FAM13B: variants seen among roughly 807,000 people sequenced by gnomAD.
FAM13B encodes the protein protein FAM13B.
FAM13B carries 60 observed loss-of-function variants against 117.3 expected under a neutral mutation model. The observed-to-expected ratio is 0.51, with a 90% CI of 0.42 to 0.63. The LOEUF is 0.63. Ranked by LOEUF, FAM13B falls within the 30% of genes least tolerant of loss-of-function variation. The pLI, the probability that FAM13B is intolerant of heterozygous loss-of-function variation, is 0.00. For synonymous variants in FAM13B, 332 were observed against 356.1 expected, an observed-to-expected ratio of 0.93 and a Z score of 0.76; for missense variants, 972 against 1,091.9, an observed-to-expected ratio of 0.89 and a Z score of 1.55.
At chr5:137,952,758 T>TATC in intron 16 of FAM13B, 49 bp from the exon 17 acceptor site, 1 of 1,066,508 alleles carries the variant, frequency 9.4e-7, no homozygotes, top group Non-Finnish European at 1.4e-6. Flanking sequence ...AAGCAATAGT[T>TATC]ACATTAATTT....
Position 137,942,291 on chromosome 5 carries a change from G to C in FAM13B, c.2589-246C>G. The C allele has an allele frequency of 6.5e-6, 3 of 459,774 alleles. No individual in the cohort carries two copies. The East Asian group carries it at 9.9e-5, about 15-fold the overall frequency. The allele number at this position is 459,774 out of a possible 1,614,324, so 28.5% of individuals were successfully genotyped here. On this transcript the variant is annotated intron_variant, in intron 22 of 23. Coordinates refer to ENST00000689681, the MANE Select transcript of FAM13B (RefSeq NM_001385994.1). ...CACCATATCATCCAAAGGTAAAGAAGTGGATATAGAACAAAAAGATCAACT... is the reference window on the plus strand; with the variant it reads ...CACCATATCATCCAAAGGTAAAGAACTGGATATAGAACAAAAAGATCAACT...
upstream of FAM13B, among the ~76,000 whole-genome samples, chr5:138,035,969 G>A (rs1759354183): frequency 6.6e-6 from 1 of 152,098 alleles, no homozygotes; most frequent in Non-Finnish European, 1.5e-5. Flanking sequence ...AGCTATTTTG[G>A]CAGTTATTTA....
chr5:137,976,561 GAC>G (rs1387651751), intron 10 of FAM13B, among the ~76,000 whole-genome samples: 3 of 152,144 alleles, frequency 2.0e-5, no homozygotes, highest in Non-Finnish European at 4.4e-5. Flanking sequence ...GGAAGTCAGG[GAC>G]CCCGAATGGA....
rs754755255 is a variant in FAM13B, at chr5:137,987,517, C to T, written c.990G>A (p.Val330=). 8.1e-6 allele frequency: 13 copies of T among 1,613,300 alleles called. No individual in the cohort carries two copies. The change falls in exon 9 of 24, where the codon GTG becomes GTA. Residue 330 remains valine, a synonymous_variant. Coordinates refer to ENST00000689681, the MANE Select transcript of FAM13B (RefSeq NM_001385994.1). ...TACTTTCTGCTTCATTATTACACACCACACTTTGCTGTTGTAAATTCTTAA... is the reference window on the plus strand; with the variant it reads ...TACTTTCTGCTTCATTATTACACACTACACTTTGCTGTTGTAAATTCTTAA... ...HDLKNLQQQS[V]VCNNEAESIH...
intron 7 of FAM13B, among the ~76,000 whole-genome samples, chr5:138,006,112 T>C (rs1782497887): frequency 6.6e-6 from 1 of 152,130 alleles, no homozygotes; most frequent in Non-Finnish European, 1.5e-5. Context: ...TTAGCCAGGA[T>C]GGTCTCGATC....
At chr5:137,979,171 C>T (rs1561486995) in intron 10 of FAM13B, among the ~76,000 whole-genome samples, 1 of 152,054 alleles carries the variant, frequency 6.6e-6, no homozygotes, top group Non-Finnish European at 1.5e-5. Context: ...TGCCATCATG[C>T]CCCGCTAATT....
intron 4 of FAM13B, among the ~76,000 whole-genome samples, chr5:138,016,505 G>A (rs1027941089): frequency 2.6e-5 from 4 of 151,960 alleles, no homozygotes; most frequent in Admixed American, 6.6e-5. Context: ...ATGGTGGTGC[G>A]CGCCTGTAGT....
At chr5:138,009,311 A>G (rs548589441) in intron 6 of FAM13B, among the ~76,000 whole-genome samples, 1 of 152,348 alleles carries the variant, frequency 6.6e-6, no homozygotes, top group Non-Finnish European at 1.5e-5. Flanking sequence ...GGCCTAAGTG[A>G]TTAACTGAGA....
chr5:137,943,080 T>C (rs1762336371), intron 21 of FAM13B, 42 bp from the exon 22 acceptor site: 2 of 1,612,902 alleles, frequency 1.2e-6, no homozygotes, highest in Non-Finnish European at 1.7e-6. Flanking sequence ...TGCCTTGTCT[T>C]TGAACTCTTC....
intron 6 of FAM13B, among the ~76,000 whole-genome samples, chr5:138,008,617 A>G (rs1783142404): frequency 6.6e-6 from 1 of 152,224 alleles, no homozygotes. Context: ...GGTTGAAAGG[A>G]TTAATATATG....
chr5:137,995,942 C>T (rs1417658232), intron 7 of FAM13B, among the ~76,000 whole-genome samples: 1 of 152,118 alleles, frequency 6.6e-6, no homozygotes, highest in East Asian at 1.9e-4. Context: ...AGTATGACTT[C>T]CTTTTTACAC....
chr5:138,039,102 C>T (rs1057230515), intron 1 of FAM13B: 4 of 152,146 alleles, frequency 2.6e-5, no homozygotes, highest in Admixed American at 6.5e-5. Flanking sequence ...ATAATGTAGG[C>T]CAATACTATC....
intron 7 of FAM13B, among the ~76,000 whole-genome samples, chr5:137,989,580 T>C (rs1778093542): frequency 6.6e-6 from 1 of 152,142 alleles, no homozygotes; most frequent in South Asian, 2.1e-4. Flanking sequence ...ATCCCAGCAC[T>C]TTGGGAGACC....
chr5:137,943,794 C>T (rs2150127624), intron 20 of FAM13B, among the ~76,000 whole-genome samples: 1 of 152,224 alleles, frequency 6.6e-6, no homozygotes, highest in South Asian at 2.1e-4. Context: ...TAATGGGAAG[C>T]ACTTTTCTTT....
rs529691542 is a variant in FAM13B at position 137,964,093 on chromosome 5, ACT to A, written c.1180-1626_1180-1625del. Among the ~76,000 whole-genome samples, 345 of 152,036 alleles carry A rather than the reference ACT, an allele frequency of 2.3e-3. 1 individual carries two copies. Among genetic ancestry groups the A allele is most frequent in the African/African-American group, 7.9e-3 (329 of 41,508 alleles). ...TAAAAAAATTTTTTGAGACAGTCTC[ACT>A]CTGTCATCCAGGCCAGAGTGAGGCT... On this transcript the variant is annotated intron_variant, in intron 10 of 23. Coordinates refer to ENST00000689681, the MANE Select transcript of FAM13B (RefSeq NM_001385994.1).
At chr5:138,036,433 A>G (rs1791167418), upstream of FAM13B, 2 of 456,638 alleles carry the variant, frequency 4.4e-6, no homozygotes, top group Admixed American at 2.3e-5. Flanking sequence ...TCTGCTGCCA[A>G]AACAGCCGCC....
intron 1 of FAM13B, among the ~76,000 whole-genome samples, chr5:138,043,731 C>A (rs1205514798): frequency 6.6e-6 from 1 of 152,096 alleles, no homozygotes; most frequent in Non-Finnish European, 1.5e-5. Context: ...AGCCACCGCA[C>A]CCGGCCTCTT....
intron 9 of FAM13B, 49 bp from the exon 10 acceptor site, chr5:137,985,438 A>G (rs1776941419): frequency 1.3e-6 from 2 of 1,554,464 alleles, no homozygotes; most frequent in African/African-American, 1.4e-5. Flanking sequence ...TGAGTGTGTA[A>G]TGCCTTTACT....
Position 138,019,940 on chromosome 5 carries a change from A to G in FAM13B, c.-35-794T>C, listed in dbSNP as rs935129506. 8.1e-5 allele frequency: 59 copies of G among 727,214 alleles called. No homozygotes were observed. The Admixed American group carries it at 3.0e-3, about 36-fold the overall frequency. 45.0% of individuals were successfully genotyped at this position (727,214 alleles called of 1,614,324 possible). On this transcript the variant is annotated intron_variant, in intron 2 of 23. Coordinates refer to ENST00000689681, the MANE Select transcript of FAM13B (RefSeq NM_001385994.1). ...CGTGATCTGCCCGTCTCGGCCCCCA[A>G]AGTGCTGGGATTACAGGCGTTAGCC...
Sources: allele counts gnomAD v4.1 joint callset (sites outside exome capture counted in the v4.1 genomes callset), GRCh38; gene constraint gnomAD v4.1.1; transcripts MANE v1.5; gene names NCBI Gene and HGNC (gene_info 2026-07-23, HGNC 2026-07-21).